PCDH15: variants seen among roughly 807,000 people sequenced by gnomAD.
The protein encoded by PCDH15 is protocadherin related 15.
PCDH15 carries 129 observed loss-of-function variants against 178.5 expected under a neutral mutation model. That is an observed-to-expected ratio of 0.72 (90% CI 0.63 to 0.84). The LOEUF (loss-of-function observed/expected upper bound fraction) is 0.84, where lower values mean the gene tolerates loss of function less well. Ranked by LOEUF, PCDH15 falls within the 40% of genes least tolerant of loss-of-function variation. The pLI, the probability that PCDH15 is intolerant of heterozygous loss-of-function variation, is 0.00. For synonymous variants in PCDH15, 800 were observed against 732.0 expected (o/e 1.09, Z -1.50); for missense variants, 2,230 against 2,099.9 (o/e 1.06, Z -1.21).
chr10:55,382,471 A>C (rs1837559098), intron 2 of PCDH15, among the ~76,000 whole-genome samples: 1 of 152,192 alleles, frequency 6.6e-6, no homozygotes, highest in Non-Finnish European at 1.5e-5. Flanking sequence ...AAGATGAATG[A>C]AAGTACCACA....
intron 2 of PCDH15, among the ~76,000 whole-genome samples, chr10:55,485,768 A>G (rs1474133008): frequency 6.6e-6 from 1 of 151,718 alleles, no homozygotes; most frequent in Admixed American, 6.6e-5. Context: ...CTACCATACA[A>G]TCCAGTAATT....
intron 18 of PCDH15, among the ~76,000 whole-genome samples, chr10:54,035,621 A>G (rs1360331321): frequency 1.3e-5 from 2 of 151,850 alleles, no homozygotes; most frequent in African/African-American, 2.4e-5. Context: ...CATCTTTCTC[A>G]CTTTCCTTGA....
intron 3 of PCDH15, among the ~76,000 whole-genome samples, chr10:54,439,258 AAAGAT>A (rs1220060272): frequency 6.6e-6 from 1 of 151,980 alleles, no homozygotes; most frequent in Non-Finnish European, 1.5e-5. Flanking sequence ...AAAGTTTAAG[AAAGAT>A]AAGAAAAGAA....
chr10:55,115,545 C>T (rs1357993032), intron 2 of PCDH15, among the ~76,000 whole-genome samples: 2 of 152,192 alleles, frequency 1.3e-5, no homozygotes, highest in Non-Finnish European at 2.9e-5. Flanking sequence ...CCTGAGGCTA[C>T]TTAATTGGTT....
chr10:55,436,036 C>T (rs10825512), intron 2 of PCDH15, among the ~76,000 whole-genome samples: 116,945 of 152,014 alleles, frequency 0.77, 46,277 homozygotes, highest in East Asian at 1. Flanking sequence ...TGTTTACTTA[C>T]TTATATATGT....
intron 1 of PCDH15, among the ~76,000 whole-genome samples, chr10:54,786,522 T>C (rs1591629688): frequency 6.6e-6 from 1 of 152,056 alleles, no homozygotes; most frequent in Admixed American, 6.6e-5. Flanking sequence ...AAGTACAGAT[T>C]ATTCACAAGA....
intron 2 of PCDH15, among the ~76,000 whole-genome samples, chr10:55,413,772 T>C (rs1838405132): frequency 6.6e-6 from 1 of 151,686 alleles, no homozygotes; most frequent in Non-Finnish European, 1.5e-5. Context: ...CTCAGAAATC[T>C]CTTCAATTTC....
At chr10:55,292,055 C>G (rs1035909027) in intron 1 of PCDH15, among the ~76,000 whole-genome samples, 2 of 152,096 alleles carry the variant, frequency 1.3e-5, no homozygotes, top group East Asian at 1.9e-4. Flanking sequence ...ATTATTCCCC[C>G]CTAGCCCCTT....
At chr10:53,882,130 GAAAA>G (rs2080768029) in intron 26 of PCDH15, among the ~76,000 whole-genome samples, 1 of 18,896 alleles carries the variant, frequency 5.3e-5, no homozygotes, top group African/African-American at 1.1e-4. Context: ...AGTGTTGGGA[GAAAA>G]GCTGAGTGTT....
chr10:54,365,398 C>T (rs1294147883), intron 5 of PCDH15, among the ~76,000 whole-genome samples: 1 of 151,962 alleles, frequency 6.6e-6, no homozygotes, highest in Non-Finnish European at 1.5e-5. Context: ...GTAACCCATG[C>T]TTTAGAGGTT....
At chr10:55,148,059 C>A (rs566172973) in intron 2 of PCDH15, among the ~76,000 whole-genome samples, 1 of 151,696 alleles carries the variant, frequency 6.6e-6, no homozygotes, top group Admixed American at 6.6e-5. Flanking sequence ...TGTAAATATG[C>A]TTAAAGCTAA....
chr10:54,682,902 A>G (rs1364156908), intron 1 of PCDH15, among the ~76,000 whole-genome samples: 2 of 152,120 alleles, frequency 1.3e-5, no homozygotes, highest in South Asian at 2.1e-4. Flanking sequence ...GCTTGATAGC[A>G]TACTAAGGTG....
chr10:54,692,077 C>A (rs2095132152), intron 1 of PCDH15, among the ~76,000 whole-genome samples: 2 of 152,050 alleles, frequency 1.3e-5, no homozygotes, highest in African/African-American at 4.8e-5. Flanking sequence ...AAACTACCTG[C>A]TGCTGAGAGG....
At chr10:54,013,321 A>G (rs2092647169) in intron 20 of PCDH15, among the ~76,000 whole-genome samples, 1 of 152,178 alleles carries the variant, frequency 6.6e-6, no homozygotes, top group Non-Finnish European at 1.5e-5. Context: ...ACATTTCAAT[A>G]CCCCATGGAC....
At chr10:54,187,884 C>T (rs1440668621) in intron 11 of PCDH15, among the ~76,000 whole-genome samples, 1 of 151,684 alleles carries the variant, frequency 6.6e-6, no homozygotes, top group African/African-American at 2.4e-5. Flanking sequence ...AACAAATTGT[C>T]ACTCAATGTT....
chr10:54,445,921 A>C (rs1015195242), intron 3 of PCDH15, among the ~76,000 whole-genome samples: 4 of 151,434 alleles, frequency 2.6e-5, no homozygotes, highest in Non-Finnish European at 4.4e-5. Flanking sequence ...GTTGCATTTC[A>C]GTTTCTTCAG....
At chr10:55,589,869 T>TAGTTGGTG (rs1842805507) in intron 2 of PCDH15, among the ~76,000 whole-genome samples, 1 of 150,130 alleles carries the variant, frequency 6.7e-6, no homozygotes, top group African/African-American at 2.4e-5. Context: ...TTGGTGGGAC[T>TAGTTGGTG]GTAAACTAGT....
intron 27 of PCDH15, among the ~76,000 whole-genome samples, chr10:53,858,376 G>C (rs906261278): frequency 3.9e-5 from 6 of 151,998 alleles, no homozygotes; most frequent in Non-Finnish European, 7.4e-5. Flanking sequence ...ACTTAAATGA[G>C]AAAAGTAGCC....
chr10:55,103,592 C>T (rs761362966), intron 2 of PCDH15, among the ~76,000 whole-genome samples: 11 of 152,268 alleles, frequency 7.2e-5, no homozygotes, highest in Non-Finnish European at 1.6e-4. Flanking sequence ...GCTTTTGCAG[C>T]TATTTCTATA....
Sources: allele counts gnomAD v4.1 joint callset (sites outside exome capture counted in the v4.1 genomes callset), GRCh38; gene constraint gnomAD v4.1.1; transcripts MANE v1.5; gene names NCBI Gene and HGNC (gene_info 2026-07-23, HGNC 2026-07-21).